SWI5: variants seen among roughly 807,000 people sequenced by gnomAD.
SWI5 encodes SWI5 homologous recombination repair protein.
Under a neutral mutation model 17.0 loss-of-function variants are expected in SWI5, and 12 were observed. The observed-to-expected ratio is 0.71, with a 90% CI of 0.45 to 1.14. SWI5 has a LOEUF of 1.14. Among genes scored for constraint, SWI5 ranks in the 50% most tolerant of loss-of-function variants. The probability of loss-of-function intolerance (pLI) is 0.00; values close to 1 mark genes in which losing one functional copy is unlikely to be tolerated. For synonymous variants in SWI5, 61 were observed against 64.0 expected, an observed-to-expected ratio of 0.95 and a Z score of 0.22; for missense variants, 158 against 162.2, an observed-to-expected ratio of 0.97 and a Z score of 0.14.
exon 5 of SWI5, chr9:128,288,725 A>G (rs1831688486): frequency 6.2e-7 from 1 of 1,614,144 alleles, no homozygotes; most frequent in South Asian, 1.1e-5. Flanking sequence ...GAGCAGGCTC[A>G]TCGCCCCTTG....
chr9:128,284,399 G>A, intron 2 of SWI5, 111 bp from the exon 3 acceptor site: 1 of 1,343,466 alleles, frequency 7.4e-7, no homozygotes. Context: ...TTATTGAGGG[G>A]GTTAGGGTGC....
intron 4 of SWI5, 101 bp downstream of exon 4, chr9:128,286,134 T>C: frequency 1.2e-6 from 1 of 824,630 alleles, no homozygotes; most frequent in South Asian, 1.6e-5. Context: ...TTGCCAACCG[T>C]CACACCCTCA....
rs113493514 is a variant in SWI5 at position 128,287,713 on chromosome 9, C to T, written c.329-939C>T. Among the ~76,000 whole-genome samples, 101 of 151,874 alleles carry T rather than the reference C, an allele frequency of 6.7e-4. 4 individuals are homozygous for T. Among genetic ancestry groups the T allele is most frequent in the African/African-American group, 2.1e-3 (88 of 41,446 alleles). Reference sequence around the variant, plus strand: ...AGTAGCTGGGACTGCAGGCATCCACCACCACGCCCGGCTAATTTTTGTATT... The same window carrying T: ...AGTAGCTGGGACTGCAGGCATCCACTACCACGCCCGGCTAATTTTTGTATT... On this transcript the variant is annotated intron_variant, in intron 4 of 4. Coordinates refer to ENST00000418976, the Ensembl canonical transcript of SWI5.
chr9:128,278,994 C>T (rs1043336296), intron 2 of SWI5, among the ~76,000 whole-genome samples: 12 of 152,080 alleles, frequency 7.9e-5, no homozygotes, highest in South Asian at 2.1e-4. Flanking sequence ...TGGTCTCAAA[C>T]TCCTGACCTC....
upstream of SWI5, chr9:128,275,368 A>AG: frequency 1.6e-6 from 2 of 1,269,248 alleles, no homozygotes; most frequent in Non-Finnish European, 2.0e-6. Context: ...TTCCACTCCT[A>AG]GGGGGAACAT....
upstream of SWI5, chr9:128,275,896 T>C: frequency 6.4e-7 from 1 of 1,561,034 alleles, no homozygotes; most frequent in African/African-American, 1.4e-5. Context: ...ACTTTACCTT[T>C]TTCTTCGCTG....
rs773490297 is a variant in SWI5, at chr9:128,288,639, T to G, written c.329-13T>G. The G allele has an allele frequency of 6.8e-6, 11 of 1,614,056 alleles. No homozygotes were observed. Among genetic ancestry groups the G allele is most frequent in the Admixed American group, 3.3e-5 (2 of 60,000 alleles). On this transcript the variant is annotated splice_polypyrimidine_tract_variant and intron_variant, in intron 4 of 4. Transcript: ENST00000418976. ...TCCCCACTGCACATTCAGCCTGCCT[T>G]CCTTCCTTTCAGCTGTGATCCGAGG...
At chr9:128,282,665 G>A (rs1009139032) in intron 2 of SWI5, among the ~76,000 whole-genome samples, 1 of 152,192 alleles carries the variant, frequency 6.6e-6, no homozygotes, top group Non-Finnish European at 1.5e-5. Flanking sequence ...TCCTGGCAGA[G>A]AGTGCTCACT....
rs528157671 is a variant in SWI5 at position 128,286,096 on chromosome 9, G to A, written c.328+63G>A. ...ATAGGGTGTCGTCTCGCCTAGGGGT[G>A]TTGGGTTTTGCTCCTGGGCCTCCCA... On this transcript the variant is annotated intron_variant, in intron 4 of 4. Transcript: ENST00000418976. 3 of 1,294,652 alleles carry A rather than the reference G, an allele frequency of 2.3e-6. No individual in the cohort carries two copies. The Admixed American group carries it at 5.2e-5, about 22-fold the overall frequency. 80.2% of individuals were successfully genotyped at this position (1,294,652 alleles called of 1,614,324 possible).
At chr9:128,287,489 T>C (rs1438876357) in intron 4 of SWI5, among the ~76,000 whole-genome samples, 1 of 149,290 alleles carries the variant, frequency 6.7e-6, no homozygotes, top group East Asian at 2.0e-4. Context: ...ACACAAGCTC[T>C]TAGTAGCGAG....
At chr9:128,276,239 G>C (rs751103289), upstream of SWI5, 1 of 1,612,132 alleles carries the variant, frequency 6.2e-7, no homozygotes, top group Admixed American at 1.7e-5. Flanking sequence ...GGGCGGGGCC[G>C]GCTTTCCTTG....
At chr9:128,286,068 A>T in intron 4 of SWI5, 35 bp downstream of exon 4, 1 of 1,513,400 alleles carries the variant, frequency 6.6e-7, no homozygotes, top group Non-Finnish European at 9.2e-7. Context: ...ACAAGCAGGC[A>T]TCATAGGGTG....
rs80159459 is a variant in SWI5, at chr9:128,280,952, G to T, written c.112-3558G>T. ...TACACATTCACCCCTGGGTATCCAC[G>T]GAGATTGCTGCCAGGATCCCCATGG... is the stretch of plus-strand genomic sequence containing the variant. On this transcript the variant is annotated intron_variant, in intron 2 of 4. Transcript: ENST00000418976. 1.6e-3 allele frequency among the ~76,000 whole-genome samples: 247 copies of T among 151,232 alleles called. 6 individuals are homozygous for T. In the East Asian group the frequency reaches 0.042, roughly 26 times the overall value.
intron 2 of SWI5, among the ~76,000 whole-genome samples, chr9:128,277,948 CTTTT>C (rs71381748): frequency 4.9e-5 from 4 of 80,864 alleles, no homozygotes; most frequent in Admixed American, 1.4e-4. Context: ...CATTCCTTCT[CTTTT>C]TTTTTTTTTT....
chr9:128,283,492 G>A (rs1345903115), intron 2 of SWI5, among the ~76,000 whole-genome samples: 8 of 95,434 alleles, frequency 8.4e-5, no homozygotes, highest in Middle Eastern at 4.6e-3. Flanking sequence ...GTGAGACTCC[G>A]TCTCCAAAAA....
chr9:128,282,138 C>T (rs531493046), intron 2 of SWI5, among the ~76,000 whole-genome samples: 25 of 152,272 alleles, frequency 1.6e-4, no homozygotes, highest in African/African-American at 5.5e-4. Flanking sequence ...CCTGTAATCC[C>T]AGCACTTTGG....
intron 4 of SWI5, among the ~76,000 whole-genome samples, chr9:128,287,734 G>A (rs1442876203): frequency 3.3e-5 from 5 of 151,616 alleles, no homozygotes; most frequent in Non-Finnish European, 5.9e-5. Context: ...GCTAATTTTT[G>A]TATTTTTAGT....
Position 128,276,775 on chromosome 9 carries a change from C to T in SWI5, c.111+20C>T. On this transcript the variant is annotated intron_variant, in intron 2 of 4. Transcript: ENST00000418976. Reference sequence around the variant, plus strand: ...TCCCCTGTGAGTATTTCTTCCCCCACACCCCCTTTCCCATCCTCGACCTTC... The same window carrying T: ...TCCCCTGTGAGTATTTCTTCCCCCATACCCCCTTTCCCATCCTCGACCTTC... 1 of 1,597,694 alleles carries T rather than the reference C, an allele frequency of 6.3e-7. No homozygotes were observed. Among genetic ancestry groups the T allele is most frequent in the Non-Finnish European group, 8.6e-7 (1 of 1,169,170 alleles).
chr9:128,276,314 C>A lies in SWI5; in HGVS notation c.-27C>A. Reference sequence around the variant, plus strand: ...GGTCAGAGTTCCTGGCCCGGTGCACCTGAGAGGTCGCTCTCCGACTCCCGC... The same window carrying A: ...GGTCAGAGTTCCTGGCCCGGTGCACATGAGAGGTCGCTCTCCGACTCCCGC... On this transcript the variant is annotated 5_prime_UTR_variant, in exon 1 of 5. The change creates a new upstream start codon in the 5' untranslated region. Coordinates refer to ENST00000418976, the Ensembl canonical transcript of SWI5. 1 of 1,613,062 alleles carries A rather than the reference C, an allele frequency of 6.2e-7. No homozygotes were observed. Among genetic ancestry groups the A allele is most frequent in the Non-Finnish European group, 8.5e-7 (1 of 1,179,588 alleles).
Sources: allele counts gnomAD v4.1 joint callset (sites outside exome capture counted in the v4.1 genomes callset), GRCh38; gene constraint gnomAD v4.1.1; transcripts MANE v1.5; gene names NCBI Gene and HGNC (gene_info 2026-07-23, HGNC 2026-07-21).